KCTD16: variants seen among roughly 807,000 people sequenced by gnomAD.
KCTD16 encodes the protein BTB/POZ domain-containing protein KCTD16.
KCTD16 carries 13 observed loss-of-function variants against 33.2 expected under a neutral mutation model. The observed-to-expected ratio is 0.39, with a 90% confidence interval of 0.25 to 0.62. KCTD16 has a LOEUF of 0.62. KCTD16 is among the 20% of genes least tolerant of loss of function. The pLI is 0.50. For synonymous variants in KCTD16, 197 were observed against 195.3 expected (o/e 1.01, Z -0.07); for missense variants, 441 against 525.1 (o/e 0.84, Z 1.57).
Position 144,474,805 on chromosome 5 carries a change from T to C in KCTD16, c.*691T>C, listed in dbSNP as rs956673379. 1 of 152,236 alleles carries C rather than the reference T, an allele frequency of 6.6e-6. No individual in the cohort carries two copies. The highest frequency in any genetic ancestry group is 1.5e-5 in the Non-Finnish European group (1 of 68,046). The allele number at this position is 152,236 out of a possible 1,614,324, so 9.4% of individuals were successfully genotyped here. ...TTTCTTAAAATTCTTTTGGGAAGAT[T>C]TCCCAGCCTTTCTTCACAACACTTT... On this transcript the variant is annotated 3_prime_UTR_variant, in exon 4 of 4. Transcript: ENST00000512467.
chr5:144,226,155 T>C (rs1753925274), intron 3 of KCTD16, among the ~76,000 whole-genome samples: 1 of 152,220 alleles, frequency 6.6e-6, no homozygotes, highest in Non-Finnish European at 1.5e-5. Context: ...ACCCAGCAGA[T>C]ACTGTGGTAA....
Position 144,473,687 on chromosome 5 carries a change from A to G in KCTD16, c.860A>G (p.His287Arg). The G allele has an allele frequency of 1.2e-6, 2 of 1,606,860 alleles. No individual in the cohort carries two copies. The highest frequency in any genetic ancestry group is 1.7e-6 in the Non-Finnish European group (2 of 1,174,354). ...YREPSRWSPS[H>R]CDCCCKNGKG... ...GAGCCTTCCAGATGGTCACCCTCACACTGCGATTGCTGCTGCAAGAATGGC... is the reference window on the plus strand; with the variant it reads ...GAGCCTTCCAGATGGTCACCCTCACGCTGCGATTGCTGCTGCAAGAATGGC... The change falls in exon 4 of 4, where the codon CAC (histidine) becomes CGC (arginine). Residue 287 changes from histidine (H) to arginine (R), a missense_variant. By Grantham distance (29) the His-to-Arg change is conservative (BLOSUM62 0). Around this residue, in one of 3 missense-constraint regions of KCTD16, gnomAD observed 355 missense variants for 413.0 expected, o/e 0.86. Transcript: ENST00000512467.
chr5:144,245,178 A>G (rs1158081425), intron 3 of KCTD16, among the ~76,000 whole-genome samples: 1 of 152,214 alleles, frequency 6.6e-6, no homozygotes, highest in Non-Finnish European at 1.5e-5. Flanking sequence ...GAGAAAATAC[A>G]CACACAATCT....
chr5:144,361,396 G>T (rs1751709765), intron 3 of KCTD16, among the ~76,000 whole-genome samples: 2 of 152,116 alleles, frequency 1.3e-5, no homozygotes, highest in African/African-American at 4.8e-5. Context: ...TCCACAAAAA[G>T]ACCATCTGTC....
chr5:144,446,809 C>G (rs186216907), intron 3 of KCTD16, among the ~76,000 whole-genome samples: 1 of 152,168 alleles, frequency 6.6e-6, no homozygotes, highest in Non-Finnish European at 1.5e-5. Flanking sequence ...TGAAAAAAAG[C>G]TCATCATCAC....
At chr5:144,256,882 A>G (rs1008995254) in intron 3 of KCTD16, among the ~76,000 whole-genome samples, 1 of 152,142 alleles carries the variant, frequency 6.6e-6, no homozygotes, top group African/African-American at 2.4e-5. Context: ...ATAAGGTATG[A>G]TCAACATCTT....
At chr5:144,461,781 C>T (rs1754201031) in intron 3 of KCTD16, among the ~76,000 whole-genome samples, 1 of 152,218 alleles carries the variant, frequency 6.6e-6, no homozygotes, top group Non-Finnish European at 1.5e-5. Context: ...CTTAACTCCC[C>T]AAAGGCAGTA....
intron 3 of KCTD16, among the ~76,000 whole-genome samples, chr5:144,268,205 C>A (rs555751123): frequency 6.6e-5 from 10 of 152,164 alleles, no homozygotes; most frequent in African/African-American, 2.4e-4. Flanking sequence ...CCTGAAGGAG[C>A]CAAAGTGGGA....
chr5:144,418,207 A>G (rs779164677), intron 3 of KCTD16, among the ~76,000 whole-genome samples: 22 of 152,158 alleles, frequency 1.4e-4, no homozygotes, highest in Non-Finnish European at 2.5e-4. Context: ...GACCCAAAGC[A>G]TGAGCAGCAG....
intron 3 of KCTD16, among the ~76,000 whole-genome samples, chr5:144,372,205 CTTTT>C: frequency 7.0e-6 from 1 of 142,528 alleles, no homozygotes; most frequent in Admixed American, 7.0e-5. Flanking sequence ...CTCTGTGCTT[CTTTT>C]TTTTTTTTTG....
chr5:144,349,202 G>A (rs747643566), intron 3 of KCTD16, among the ~76,000 whole-genome samples: 1 of 152,130 alleles, frequency 6.6e-6, no homozygotes, highest in Non-Finnish European at 1.5e-5. Flanking sequence ...TTGGGAGGAA[G>A]GCACTCTCCT....
intron 3 of KCTD16, among the ~76,000 whole-genome samples, chr5:144,227,399 G>A (rs1034684790): frequency 6.6e-6 from 1 of 152,184 alleles, no homozygotes; most frequent in Non-Finnish European, 1.5e-5. Context: ...AGTGTAGCTG[G>A]AACTGGTAAG....
At chr5:144,419,229 ATTCTT>A (rs1172615476) in intron 3 of KCTD16, among the ~76,000 whole-genome samples, 1 of 152,142 alleles carries the variant, frequency 6.6e-6, no homozygotes, top group African/African-American at 2.4e-5. Flanking sequence ...CATCCCTGAT[ATTCTT>A]ATGTTTGACT....
At chr5:144,473,021 TATGG>T (rs1448462485) in intron 3 of KCTD16, among the ~76,000 whole-genome samples, 1 of 152,182 alleles carries the variant, frequency 6.6e-6, no homozygotes, top group African/African-American at 2.4e-5. Flanking sequence ...AGTTTCCTTG[TATGG>T]AGACTGAAAT....
At chr5:144,315,019 C>G (rs1336329124) in intron 3 of KCTD16, among the ~76,000 whole-genome samples, 1 of 152,196 alleles carries the variant, frequency 6.6e-6, no homozygotes, top group Admixed American at 6.5e-5. Context: ...GGCTAAGAGA[C>G]AGGATCCAAC....
chr5:144,475,692 T>A lies in KCTD16; in HGVS notation c.*1578T>A, dbSNP rs1561622556. The A allele has an allele frequency of 2.0e-5, 3 of 152,800 alleles. No homozygotes were observed. Among genetic ancestry groups the A allele is most frequent in the Admixed American group, 6.5e-5 (1 of 15,304 alleles). The allele number at this position is 152,800 out of a possible 1,614,324, so 9.5% of individuals were successfully genotyped here. On this transcript the variant is annotated 3_prime_UTR_variant, in exon 4 of 4. Coordinates refer to ENST00000512467, the MANE Select transcript of KCTD16 (RefSeq NM_020768.4). The stretch of plus-strand genomic sequence containing the variant: ...GTGTGTGTGCATGTGTGTATGTGTA[T>A]CACAGGTAATAAAGGCAATTGGATG...
intron 3 of KCTD16, among the ~76,000 whole-genome samples, chr5:144,340,407 A>G (rs1383103600): frequency 6.6e-6 from 1 of 150,956 alleles, no homozygotes; most frequent in African/African-American, 2.4e-5. Flanking sequence ...ATCTCAAAAA[A>G]AAAAAAAAAA....
At chr5:144,405,436 C>T (rs540645996) in intron 3 of KCTD16, among the ~76,000 whole-genome samples, 6 of 152,194 alleles carry the variant, frequency 3.9e-5, no homozygotes, top group Non-Finnish European at 8.8e-5. Flanking sequence ...ACCTTGATCC[C>T]TGCTGTCACA....
intron 3 of KCTD16, among the ~76,000 whole-genome samples, chr5:144,233,751 G>A (rs929956072): frequency 7.9e-5 from 12 of 152,132 alleles, no homozygotes; most frequent in African/African-American, 2.7e-4. Context: ...ATAAAAGAAT[G>A]CAGCTTACCT....
Sources: allele counts gnomAD v4.1 joint callset (sites outside exome capture counted in the v4.1 genomes callset), GRCh38; gene constraint gnomAD v4.1.1; regional missense constraint gnomAD v4.1.1; transcripts MANE v1.5; gene names NCBI Gene and HGNC (gene_info 2026-07-23, HGNC 2026-07-21).